POLRMT: variants seen among roughly 807,000 people sequenced by gnomAD.
The protein encoded by POLRMT is DNA-directed RNA polymerase, mitochondrial.
A neutral mutation model predicts 132.2 loss-of-function variants in POLRMT; 114 were observed. The observed-to-expected ratio is 0.86, with a 90% CI of 0.74 to 1.01. The LOEUF (loss-of-function observed/expected upper bound fraction) is 1.01, where lower values mean the gene tolerates loss of function less well. POLRMT is among the 50% of genes least tolerant of loss of function. The pLI is 0.00. For missense variants in POLRMT, 2,003 were observed against 1,729.1 expected (o/e 1.16, Z -2.81); for synonymous variants, 1,020 against 773.4 (o/e 1.32, Z -5.29).
rs773909130 is a variant in POLRMT, at chr19:618,981, G to A, written c.3267+16C>T. 5.0e-5 allele frequency: 77 copies of A among 1,545,402 alleles called. No homozygotes were observed. In the Admixed American group the frequency reaches 6.0e-4, roughly 12 times the overall value. On this transcript the variant is annotated intron_variant, in intron 15 of 20. Transcript: ENST00000588649. The stretch of plus-strand genomic sequence containing the variant: ...GGATGGTGGCACACTGGGGAGGGAT[G>A]GGGTGGTACACTGACCTTGACCTTG...
intron 2 of POLRMT, among the ~76,000 whole-genome samples, chr19:631,961 GAC>G (rs1232958655): frequency 6.6e-6 from 1 of 152,184 alleles, no homozygotes; most frequent in African/African-American, 2.4e-5. Flanking sequence ...TTTTAGTAGA[GAC>G]AGTGTTTCAC....
intron 14 of POLRMT, 49 bp downstream of exon 14, chr19:619,161 T>G: frequency 6.2e-7 from 1 of 1,608,900 alleles, no homozygotes; most frequent in South Asian, 1.1e-5. Flanking sequence ...GGGGATCCCG[T>G]CCACTTGCTT....
rs1317844384 is a variant in POLRMT, at chr19:621,040, CG to C, written c.2640+17del. On this transcript the variant is annotated intron_variant, in intron 10 of 20. Coordinates refer to ENST00000588649, the MANE Select transcript of POLRMT (RefSeq NM_005035.4). ...GGGGGTGCCGGGAGGGCGGGGAATG[CG>C]GGGGCCCCGCCCCTACCGTCAAGGG... is the stretch of plus-strand genomic sequence containing the variant. 5 of 1,542,120 alleles carry C rather than the reference CG, an allele frequency of 3.2e-6. No homozygotes were observed. The African/African-American group carries it at 5.1e-5, about 16-fold the overall frequency.
intron 9 of POLRMT, 32 bp downstream of exon 9, chr19:622,117 G>GC (rs755065394): frequency 2.0e-6 from 3 of 1,507,222 alleles, no homozygotes; most frequent in Non-Finnish European, 1.8e-6. Flanking sequence ...CCAGCGGGAT[G>GC]CCCCCCAGCT....
At position 626,630 on chromosome 19, in the gene POLRMT, CAAA is replaced by C. The variant is rs59425267; in HGVS notation, c.823-1379_823-1377del. The stretch of plus-strand genomic sequence containing the variant: ...TGAAACCCCATCTCCACTAAAAATA[CAAA>C]AAAAAAAAAAAAAAATTAGCTGGGC... On this transcript the variant is annotated intron_variant, in intron 3 of 20. Coordinates refer to ENST00000588649, the MANE Select transcript of POLRMT (RefSeq NM_005035.4). Among the ~76,000 whole-genome samples the C allele has an allele frequency of 9.3e-3, 688 of 74,244 alleles. 28 individuals are homozygous for C. The highest frequency in any genetic ancestry group is 0.035 in the African/African-American group (622 of 17,950). 48.7% of individuals were successfully genotyped at this position (74,244 alleles called of 152,430 possible).
chr19:618,198 C>A (rs1293858409), intron 17 of POLRMT: 3 of 547,348 alleles, frequency 5.5e-6, no homozygotes, highest in Non-Finnish European at 6.5e-6. Context: ...GCTGGAACGA[C>A]CTCCACGTGC....
chr19:623,801 G>C (rs750893649), intron 5 of POLRMT, among the ~76,000 whole-genome samples, 198 bp from the exon 6 acceptor site: 4 of 152,156 alleles, frequency 2.6e-5, no homozygotes, highest in African/African-American at 9.7e-5. Context: ...TCCTGGCCTC[G>C]ACCCCTCTAG....
rs1325408387 is a variant in POLRMT at position 620,935 on chromosome 19, G to A, written c.2640+123C>T. The A allele has an allele frequency of 4.0e-5, 13 of 327,392 alleles. No individual in the cohort carries two copies. In the South Asian group the frequency reaches 5.2e-4, roughly 13 times the overall value. 20.3% of individuals were successfully genotyped at this position (327,392 alleles called of 1,614,324 possible). ...GAGGAAGACGGGCAGGGGGCGCCAG[G>A]GGAGGGGGAGGGGAGGAGGAAGACG... On this transcript the variant is annotated intron_variant, in intron 10 of 20. Coordinates refer to ENST00000588649, the MANE Select transcript of POLRMT (RefSeq NM_005035.4).
chr19:621,135 C>G lies in POLRMT; in HGVS notation c.2563G>C (p.Glu855Gln), dbSNP rs762497652. The G allele has an allele frequency of 7.4e-6, 12 of 1,610,966 alleles. No individual in the cohort carries two copies. Among genetic ancestry groups the G allele is most frequent in the Non-Finnish European group, 1.0e-5 (12 of 1,178,772 alleles). ...AAGGCCAGGCGCTTCCGCAGCGGCT[C>G]CCGCTTCTTCAACCCCGTGAGATTG... ...LVNLTGLKKREPLRKRLAFAE... is the reference protein window; with the variant it reads ...LVNLTGLKKRQPLRKRLAFAE... Residue 855 changes from glutamate to glutamine, a missense_variant, in exon 10 of 21, where the codon GAG (glutamate) becomes CAG (glutamine). Coordinates refer to ENST00000588649, the MANE Select transcript of POLRMT (RefSeq NM_005035.4).
Position 621,175 on chromosome 19 carries a change from G to C in POLRMT, c.2523C>G (p.Leu841=), listed in dbSNP as rs781036639. 2.5e-6 allele frequency: 4 copies of C among 1,610,724 alleles called. No homozygotes were observed. The highest frequency in any genetic ancestry group is 1.7e-4 in the Middle Eastern group (1 of 6,024). Residue 841 remains leucine, a synonymous_variant, in exon 10 of 21, where the codon CTC becomes CTG. Coordinates refer to ENST00000588649, the MANE Select transcript of POLRMT (RefSeq NM_005035.4). ...CCGTGAGATTGACCAGGTGGATCTT[G>C]AGCCAATCCAGGCCGTGCGGGCCGA... ...RPLGPHGLDW[L]KIHLVNLTGL... is the part of the protein sequence containing the mutation.
chr19:617,483 G>GGGGTT lies in POLRMT; in HGVS notation c.3582-8_3582-4dup. The GGGGTT allele has an allele frequency of 4.3e-6, 7 of 1,611,512 alleles. No homozygotes were observed. Among genetic ancestry groups the GGGGTT allele is most frequent in the Non-Finnish European group, 5.9e-6 (7 of 1,179,716 alleles). ...TGGCCTCCAAGATCTTCTGGGGCCT[G>GGGGTT]GGGTTGGAAGCAGGGTGGGGTGAGG... On this transcript the variant is annotated splice_region_variant and splice_polypyrimidine_tract_variant and intron_variant, in intron 19 of 20. Coordinates refer to ENST00000588649, the MANE Select transcript of POLRMT (RefSeq NM_005035.4).
intron 3 of POLRMT, chr19:625,492 G>A (rs909963415): frequency 4.1e-6 from 2 of 488,526 alleles, no homozygotes; most frequent in African/African-American, 4.0e-5. Context: ...GTTCCTCTGG[G>A]AGGCAGCTTG....
Position 622,147 on chromosome 19 carries a change from AC to A in POLRMT, c.1851+1del, listed in dbSNP as rs1984660318. On this transcript the variant is annotated splice_donor_variant, in intron 9 of 20. Transcript: ENST00000588649. LOFTEE classifies it high-confidence loss of function. Reference sequence around the variant, plus strand: ...CCAGCTCAGGAGGGCACTGCCTGGCACCTGCTGGACGTTGCGGAAGGAATAC... The same window carrying A: ...CCAGCTCAGGAGGGCACTGCCTGGCACTGCTGGACGTTGCGGAAGGAATAC... The A allele has an allele frequency of 6.5e-7, 1 of 1,546,324 alleles. No individual in the cohort carries two copies.
intron 20 of POLRMT, 46 bp from the exon 21 acceptor site, chr19:617,369 G>C (rs377072911): frequency 6.2e-7 from 1 of 1,612,294 alleles, no homozygotes; most frequent in South Asian, 1.1e-5. Flanking sequence ...GGAAAGCCCC[G>C]CCCTGGCCCG....
chr19:622,961 C>A lies in POLRMT; in HGVS notation c.1315G>T (p.Asp439Tyr), dbSNP rs535297732. Residue 439 changes from aspartate to tyrosine, a missense_variant, in exon 7 of 21, where the codon GAC (aspartate) becomes TAC (tyrosine). Physicochemically the swap from Asp to Tyr is radical, Grantham distance 160. Coordinates refer to ENST00000588649, the MANE Select transcript of POLRMT (RefSeq NM_005035.4). ...HARKTLKTLR[D>Y]QWEKALCRAL... Reference sequence around the variant, plus strand: ...CGGCACAGTGCTTTCTCCCATTGGTCCCGCAGGGTCTTCAGGGTCTTCCGC... The same window carrying A: ...CGGCACAGTGCTTTCTCCCATTGGTACCGCAGGGTCTTCAGGGTCTTCCGC... 1.2e-6 allele frequency: 2 copies of A among 1,612,878 alleles called. No individual in the cohort carries two copies. Among genetic ancestry groups the A allele is most frequent in the Non-Finnish European group, 1.7e-6 (2 of 1,179,892 alleles).
chr19:623,013 C>A, intron 6 of POLRMT, 28 bp from the exon 7 acceptor site: 2 of 1,605,562 alleles, frequency 1.2e-6, no homozygotes, highest in South Asian at 1.1e-5. Context: ...GCCCGGTGAG[C>A]CCCGTGGCAG....
intron 10 of POLRMT, 114 bp from the exon 11 acceptor site, chr19:620,601 G>C (rs1984450754): frequency 2.3e-6 from 3 of 1,286,848 alleles, no homozygotes; most frequent in Non-Finnish European, 1.0e-6. Context: ...CCGTGATAGT[G>C]AACACGGGAC....
chr19:622,674 G>A lies in POLRMT; in HGVS notation c.1534C>T (p.His512Tyr). 1 of 1,606,214 alleles carries A rather than the reference G, an allele frequency of 6.2e-7. No individual in the cohort carries two copies. Among genetic ancestry groups the A allele is most frequent in the Non-Finnish European group, 8.5e-7 (1 of 1,177,650 alleles). Residue 512 changes from histidine (H) to tyrosine (Y), a missense_variant, in exon 8 of 21, where the codon CAC (histidine) becomes TAC (tyrosine). Transcript: ENST00000588649. ...CTGACCCGCTGCCTCTGCACCACGT[G>A]CCGGCTGAAAGTGCGCGCACTCAGC... Reference protein sequence around the residue: ...RELSARTFSRHVVQRQRVSGQ... With the variant: ...RELSARTFSRYVVQRQRVSGQ...
At chr19:623,889 C>G (rs1600577540) in intron 5 of POLRMT, among the ~76,000 whole-genome samples, 1 of 152,206 alleles carries the variant, frequency 6.6e-6, no homozygotes, top group Admixed American at 6.5e-5. Flanking sequence ...AGACCGTTCA[C>G]TGCACCCCCA....
Sources: allele counts gnomAD v4.1 joint callset (sites outside exome capture counted in the v4.1 genomes callset), GRCh38; gene constraint gnomAD v4.1.1; transcripts MANE v1.5; gene names NCBI Gene and HGNC (gene_info 2026-07-23, HGNC 2026-07-21).